FAM219A: variants seen among roughly 807,000 people sequenced by gnomAD.
FAM219A encodes the protein family with sequence similarity 219 member A.
FAM219A carries 7 observed loss-of-function variants against 23.4 expected under a neutral mutation model. The ratio of observed to expected loss-of-function variants is 0.30; its 90% CI spans 0.17 to 0.56. The LOEUF (loss-of-function observed/expected upper bound fraction) is 0.56, where lower values mean the gene tolerates loss of function less well. Ranked by LOEUF, FAM219A falls within the 20% of genes least tolerant of loss-of-function variation. The pLI, the probability that FAM219A is intolerant of heterozygous loss-of-function variation, is 0.92. For synonymous variants in FAM219A, 93 were observed against 99.0 expected (o/e 0.94, Z 0.36); for missense variants, 166 against 246.9 (o/e 0.67, Z 2.20).
intron 1 of FAM219A, among the ~76,000 whole-genome samples, chr9:34,439,714 A>G (rs1403623592): frequency 3.3e-5 from 5 of 152,118 alleles, no homozygotes; most frequent in African/African-American, 1.2e-4. Context: ...AGCCTGGGAC[A>G]TTAGAGAAGT....
intron 1 of FAM219A, among the ~76,000 whole-genome samples, chr9:34,429,184 G>A (rs1822599522): frequency 6.6e-6 from 1 of 152,154 alleles, no homozygotes; most frequent in South Asian, 2.1e-4. Context: ...GTTCTCTCAG[G>A]GTTTCATTAT....
chr9:34,410,149 T>C (rs1399172071), intron 1 of FAM219A, among the ~76,000 whole-genome samples: 1 of 152,222 alleles, frequency 6.6e-6, no homozygotes, highest in African/African-American at 2.4e-5. Context: ...ACAGGCCCTC[T>C]GGGAGGCTGC....
intron 1 of FAM219A, among the ~76,000 whole-genome samples, chr9:34,430,326 C>T (rs946069141): frequency 6.6e-6 from 1 of 151,726 alleles, no homozygotes; most frequent in Non-Finnish European, 1.5e-5. Context: ...CCCAGGAGTT[C>T]GAGACCAGCC....
chr9:34,411,397 A>T (rs1213292537), intron 1 of FAM219A, among the ~76,000 whole-genome samples: 1 of 147,562 alleles, frequency 6.8e-6, no homozygotes, highest in Non-Finnish European at 1.5e-5. Context: ...CTTTAAAAAT[A>T]AAAAAAAAAG....
chr9:34,433,232 G>A (rs1822779950), intron 1 of FAM219A, among the ~76,000 whole-genome samples: 1 of 152,080 alleles, frequency 6.6e-6, no homozygotes, highest in Non-Finnish European at 1.5e-5. Context: ...AATGTTTCCA[G>A]CTTTGGCCAT....
chr9:34,403,636 A>G (rs1230007773), intron 2 of FAM219A, among the ~76,000 whole-genome samples: 3 of 152,212 alleles, frequency 2.0e-5, no homozygotes, highest in Non-Finnish European at 4.4e-5. Flanking sequence ...ACTGCCTGGT[A>G]TGTGACAACT....
rs1296938879 is a variant in FAM219A at position 34,399,963 on chromosome 9, C to G, written c.*1001G>C. The G allele has an allele frequency of 6.6e-6, 1 of 152,616 alleles. No homozygotes were observed. The highest frequency in any genetic ancestry group is 6.5e-5 in the Admixed American group (1 of 15,286). 9.5% of individuals were successfully genotyped at this position (152,616 alleles called of 1,614,324 possible). ...AACAGAGACACACACCCACCCACCC[C>G]CTGACAGCCTCAGAGATACACACAC... On this transcript the variant is annotated 3_prime_UTR_variant, in exon 6 of 6. Coordinates refer to ENST00000651358, the MANE Select transcript of FAM219A (RefSeq NM_001184940.2).
intron 2 of FAM219A, among the ~76,000 whole-genome samples, chr9:34,403,458 G>A (rs1821524018): frequency 6.6e-6 from 1 of 152,238 alleles, no homozygotes; most frequent in Non-Finnish European, 1.5e-5. Context: ...TGAAGGTTAT[G>A]GTGTGGGAGG....
At chr9:34,424,963 C>A (rs967299023) in intron 1 of FAM219A, among the ~76,000 whole-genome samples, 5 of 152,040 alleles carry the variant, frequency 3.3e-5, no homozygotes, top group Admixed American at 2.6e-4. Context: ...TACCACCACA[C>A]CCAGCTAATT....
intron 2 of FAM219A, among the ~76,000 whole-genome samples, chr9:34,403,377 A>G (rs1821521310): frequency 6.6e-6 from 1 of 152,218 alleles, no homozygotes; most frequent in Non-Finnish European, 1.5e-5. Flanking sequence ...CTGGTTACAA[A>G]CTCAGAACAT....
chr9:34,437,339 G>A (rs1490279817), intron 1 of FAM219A, among the ~76,000 whole-genome samples: 1 of 152,168 alleles, frequency 6.6e-6, no homozygotes, highest in African/African-American at 2.4e-5. Flanking sequence ...AAACAGATGG[G>A]GTGAGAGACC....
Position 34,417,997 on chromosome 9 carries a change from T to C in FAM219A, c.61-12033A>G, listed in dbSNP as rs563218836. On this transcript the variant is annotated intron_variant, in intron 1 of 5. Coordinates refer to ENST00000651358, the MANE Select transcript of FAM219A (RefSeq NM_001184940.2). The surrounding 1 kb of genome is among the most constrained non-coding windows in gnomAD (Gnocchi z 4.1). ...TCAGCTGTAGGAACCGTGACGGTAA[T>C]TGCGGAGCCAGAAAGCAAATCTCAC... Among the ~76,000 whole-genome samples, 9 of 152,342 alleles carry C rather than the reference T, an allele frequency of 5.9e-5. No individual in the cohort carries two copies. The highest frequency in any genetic ancestry group is 2.1e-4 in the South Asian group (1 of 4,822).
chr9:34,406,442 A>G (rs1821638836), intron 1 of FAM219A: 2 of 985,312 alleles, frequency 2.0e-6, no homozygotes, highest in East Asian at 1.1e-4. Flanking sequence ...GTCCCTTCAC[A>G]GGATCCAGAG....
chr9:34,445,782 C>G (rs535658127), intron 1 of FAM219A, among the ~76,000 whole-genome samples: 33 of 152,326 alleles, frequency 2.2e-4, no homozygotes, highest in African/African-American at 7.9e-4. Context: ...TTCTGGGAGT[C>G]TGCTTGCAGA....
chr9:34,410,144 C>T (rs778161124), intron 1 of FAM219A, among the ~76,000 whole-genome samples: 2 of 152,166 alleles, frequency 1.3e-5, no homozygotes, highest in African/African-American at 2.4e-5. Context: ...TAAAGACAGG[C>T]CCTCTGGGAG....
chr9:34,405,806 C>G, intron 2 of FAM219A, 59 bp downstream of exon 2: 1 of 1,532,238 alleles, frequency 6.5e-7, no homozygotes, highest in Non-Finnish European at 9.0e-7. Flanking sequence ...TCATTGTAGA[C>G]CCAGCCCAGA....
chr9:34,440,038 G>A (rs769920605), intron 1 of FAM219A, among the ~76,000 whole-genome samples: 2 of 152,172 alleles, frequency 1.3e-5, no homozygotes, highest in Admixed American at 6.5e-5. Context: ...AACAGAATGA[G>A]GCCCTCTGGA....
In FAM219A at chr9:34,398,301, A is replaced by C. The variant is rs1821286918; in HGVS notation, c.*2663T>G. On this transcript the variant is annotated 3_prime_UTR_variant, in exon 6 of 6. Transcript: ENST00000651358. ...ATATTATACACGGCTCATGTCTTCCACACACCTTCCTGGAAATAAATTAGT... is the reference window on the plus strand; with the variant it reads ...ATATTATACACGGCTCATGTCTTCCCCACACCTTCCTGGAAATAAATTAGT... The C allele has an allele frequency of 6.4e-7, 1 of 1,550,760 alleles. No homozygotes were observed. The highest frequency in any genetic ancestry group is 8.7e-7 in the Non-Finnish European group (1 of 1,147,062).
intron 1 of FAM219A, among the ~76,000 whole-genome samples, chr9:34,429,080 A>G (rs541450904): frequency 1.3e-5 from 2 of 152,316 alleles, no homozygotes; most frequent in East Asian, 3.9e-4. Flanking sequence ...TGCCAGGCGT[A>G]CTCAAGGCTC....
Sources: gnomAD v4.1 joint callset for allele counts (sites outside exome capture counted in the v4.1 genomes callset) on GRCh38, gnomAD v4.1.1 for gene constraint, Gnocchi (gnomAD v3.1) non-coding constraint, MANE v1.5 for transcripts, NCBI Gene and HGNC (gene_info 2026-07-23, HGNC 2026-07-21) for gene names.